AIG1: variants seen among roughly 807,000 people sequenced by gnomAD.
AIG1 encodes androgen-induced gene 1 protein.
A neutral mutation model predicts 31.4 loss-of-function variants in AIG1; 23 were observed. That is an observed-to-expected ratio of 0.73 (90% CI 0.53 to 1.04). The LOEUF (loss-of-function observed/expected upper bound fraction) is 1.04, where lower values mean the gene tolerates loss of function less well. Among genes scored for constraint, AIG1 ranks in the 50% least tolerant of loss-of-function variants. AIG1 has a pLI of 0.00. For synonymous variants in AIG1, 100 were observed against 110.5 expected (o/e 0.90, Z 0.60); for missense variants, 274 against 295.0 (o/e 0.93, Z 0.52).
intron 3 of AIG1, among the ~76,000 whole-genome samples, chr6:143,212,188 C>T (rs1487193733): frequency 2.6e-5 from 4 of 152,106 alleles, no homozygotes; most frequent in Admixed American, 1.3e-4. Context: ...CAAAATTGCC[C>T]TAGGTTGAAA....
chr6:143,178,587 C>G (rs1788413911), intron 3 of AIG1, among the ~76,000 whole-genome samples: 1 of 152,222 alleles, frequency 6.6e-6, no homozygotes, highest in African/African-American at 2.4e-5. Context: ...TGAGCCGATC[C>G]TAGCCAGATG....
At chr6:143,222,405 G>A (rs1231334165) in intron 3 of AIG1, among the ~76,000 whole-genome samples, 1 of 151,632 alleles carries the variant, frequency 6.6e-6, no homozygotes, top group Non-Finnish European at 1.5e-5. Flanking sequence ...TTTTGTTGTT[G>A]TTGTTGTTTT....
chr6:143,261,618 C>T (rs548660780), intron 3 of AIG1, among the ~76,000 whole-genome samples: 71 of 152,130 alleles, frequency 4.7e-4, no homozygotes, highest in Non-Finnish European at 9.0e-4. Context: ...ATAGCCCTTA[C>T]CTTTCCTCTA....
chr6:143,136,723 C>T, intron 1 of AIG1, 112 bp from the exon 2 acceptor site: 2 of 1,028,020 alleles, frequency 1.9e-6, no homozygotes, highest in Non-Finnish European at 2.6e-6. Context: ...TTAAAATATG[C>T]TTCTGATCCT....
In AIG1 at chr6:143,307,520, C is replaced by T. The variant is rs183101905; in HGVS notation, c.515+23295C>T. On this transcript the variant is annotated intron_variant, in intron 4 of 5. Transcript: ENST00000357847. The stretch of plus-strand genomic sequence containing the variant: ...CGGTGGCTGCAGAACAGTGGATTTT[C>T]GTGAACCGCGAATGCTGCTGTCTGA... 5.9e-5 allele frequency among the ~76,000 whole-genome samples: 9 copies of T among 152,324 alleles called. No individual in the cohort carries two copies. The East Asian group carries it at 9.6e-4, about 16-fold the overall frequency.
chr6:143,067,460 A>G (rs1008437949), intron 1 of AIG1, among the ~76,000 whole-genome samples: 1 of 152,194 alleles, frequency 6.6e-6, no homozygotes, highest in Non-Finnish European at 1.5e-5. Context: ...TGGGGTGCTC[A>G]AAGAATAGGA....
At chr6:143,098,227 G>A (rs1216706720) in intron 1 of AIG1, among the ~76,000 whole-genome samples, 1 of 152,176 alleles carries the variant, frequency 6.6e-6, no homozygotes, top group Non-Finnish European at 1.5e-5. Flanking sequence ...AGTGAAGGAA[G>A]TCTAATCAAG....
At chr6:143,343,195 C>T (rs1490242556), downstream of AIG1, 2 of 708,256 alleles carry the variant, frequency 2.8e-6, no homozygotes, top group African/African-American at 3.5e-5. Flanking sequence ...ATTAACGCCA[C>T]GGATATGGCA....
intron 4 of AIG1, among the ~76,000 whole-genome samples, chr6:143,308,738 AT>A (rs1775006931): frequency 6.6e-6 from 1 of 152,188 alleles, no homozygotes; most frequent in African/African-American, 2.4e-5. Flanking sequence ...CTAACTCTTA[AT>A]TTAATTTACC....
At chr6:143,339,327 C>G (rs1777740368) in intron 5 of AIG1, 2 of 198,220 alleles carry the variant, frequency 1.0e-5, no homozygotes, top group South Asian at 2.8e-4. Flanking sequence ...GATTTCCATG[C>G]AAACTCAGCA....
chr6:143,174,486 CAAAAAAAAAAA>C (rs71024844), intron 3 of AIG1, among the ~76,000 whole-genome samples: 2 of 59,660 alleles, frequency 3.4e-5, no homozygotes, highest in African/African-American at 1.2e-4. Flanking sequence ...GACTCCGTCT[CAAAAAAAAAAA>C]AAAAAAAAAA....
chr6:143,114,309 T>C (rs920388524), intron 1 of AIG1, among the ~76,000 whole-genome samples: 1 of 152,252 alleles, frequency 6.6e-6, no homozygotes, highest in Non-Finnish European at 1.5e-5. Context: ...CCAGTGTGAC[T>C]AGTTTAAAAC....
intron 3 of AIG1, among the ~76,000 whole-genome samples, chr6:143,184,844 G>C (rs1356795992): frequency 6.6e-6 from 1 of 152,176 alleles, no homozygotes; most frequent in Non-Finnish European, 1.5e-5. Context: ...TCCGGGTCTT[G>C]TGGAAAGATG....
chr6:143,068,000 GT>G (rs1776879255), intron 1 of AIG1, among the ~76,000 whole-genome samples: 1 of 152,128 alleles, frequency 6.6e-6, no homozygotes, highest in South Asian at 2.1e-4. Flanking sequence ...TTCTTTGCAT[GT>G]TTCTTTTGGA....
intron 1 of AIG1, among the ~76,000 whole-genome samples, chr6:143,111,513 A>G (rs1316542340): frequency 6.6e-6 from 1 of 152,076 alleles, no homozygotes; most frequent in Non-Finnish European, 1.5e-5. Flanking sequence ...CTTCAGACTC[A>G]TTGCTTCTTC....
At chr6:143,122,883 C>T (rs923147747) in intron 1 of AIG1, among the ~76,000 whole-genome samples, 1 of 152,086 alleles carries the variant, frequency 6.6e-6, no homozygotes, top group African/African-American at 2.4e-5. Context: ...TTTTCTCTCC[C>T]TCCTGACTCC....
chr6:143,241,222 G>A (rs1351653926), intron 3 of AIG1, among the ~76,000 whole-genome samples: 1 of 152,220 alleles, frequency 6.6e-6, no homozygotes, highest in Non-Finnish European at 1.5e-5. Flanking sequence ...TCCTTGACAA[G>A]GAAAGAAACA....
chr6:143,093,069 C>T (rs536654217), intron 1 of AIG1, among the ~76,000 whole-genome samples: 146 of 152,056 alleles, frequency 9.6e-4, no homozygotes, highest in Admixed American at 2.0e-3. Flanking sequence ...ACAAAACAAT[C>T]ATCCCTCCCC....
At chr6:143,076,548 G>T (rs1777742889) in intron 1 of AIG1, among the ~76,000 whole-genome samples, 1 of 152,060 alleles carries the variant, frequency 6.6e-6, no homozygotes, top group African/African-American at 2.4e-5. Flanking sequence ...AATAGGTACA[G>T]TTTATGTTTA....
Sources: gnomAD v4.1 joint callset for allele counts (sites outside exome capture counted in the v4.1 genomes callset) on GRCh38, gnomAD v4.1.1 for gene constraint, MANE v1.5 for transcripts, NCBI Gene and HGNC (gene_info 2026-07-23, HGNC 2026-07-21) for gene names.